Variants in MAP2K6 observed in about 807,000 individuals in gnomAD.
MAP2K6 encodes mitogen-activated protein kinase kinase 6.
MAP2K6 carries 16 observed loss-of-function variants against 53.7 expected under a neutral mutation model. That is an observed-to-expected ratio of 0.30 (90% CI 0.20 to 0.45). MAP2K6 has a LOEUF of 0.45. Ranked by LOEUF, MAP2K6 falls within the 20% of genes least tolerant of loss-of-function variation. The pLI is 1.00. For missense variants in MAP2K6, 204 were observed against 411.9 expected (o/e 0.50, Z 4.37); for synonymous variants, 132 against 143.1 (o/e 0.92, Z 0.55).
intron 8 of MAP2K6, 38 bp from the exon 9 acceptor site, chr17:69,524,863 T>A (rs1450898554): frequency 2.0e-6 from 3 of 1,491,140 alleles, no homozygotes; most frequent in Admixed American, 3.3e-5. Flanking sequence ...TTATCTCAAT[T>A]GTCTTCCCAG....
chr17:69,545,670 G>T lies in MAP2K6; in HGVS notation c.*3917G>T, dbSNP rs1198448230. ...TGTTTTAAGTAATTAGGTCCCAACA[G>T]CTTAATAATAGCAGTTTGCACAGTG... On this transcript the variant is annotated 3_prime_UTR_variant, in exon 12 of 12. Transcript: ENST00000590474. 2 of 152,150 alleles carry T rather than the reference G, an allele frequency of 1.3e-5. No homozygotes were observed. The highest frequency in any genetic ancestry group is 2.9e-5 in the Non-Finnish European group (2 of 68,042). 9.4% of individuals were successfully genotyped at this position (152,150 alleles called of 1,614,324 possible).
intron 1 of MAP2K6, among the ~76,000 whole-genome samples, chr17:69,490,202 G>A (rs570643807): frequency 5.9e-5 from 9 of 152,300 alleles, no homozygotes; most frequent in South Asian, 2.1e-4. Context: ...CCAAGATGGC[G>A]TTGAGTTAGA....
In MAP2K6 at chr17:69,483,479, A is replaced by G. The variant is rs370947247; in HGVS notation, c.17-22301A>G. 5.3e-5 allele frequency among the ~76,000 whole-genome samples: 8 copies of G among 152,236 alleles called. No individual in the cohort carries two copies. In the East Asian group the frequency reaches 1.4e-3, roughly 26 times the overall value. The stretch of plus-strand genomic sequence containing the variant: ...ATCTAAATAAATGCAAAGGCGTACC[A>G]TGTTCATGAGTCAAAAGACTTAATA... On this transcript the variant is annotated intron_variant, in intron 1 of 11. Coordinates refer to ENST00000590474, the MANE Select transcript of MAP2K6 (RefSeq NM_002758.4).
intron 1 of MAP2K6, among the ~76,000 whole-genome samples, chr17:69,416,746 GA>G (rs1905916531): frequency 6.6e-6 from 1 of 152,202 alleles, no homozygotes; most frequent in South Asian, 2.1e-4. Flanking sequence ...GACAGGTATT[GA>G]AGAGAAATGG....
In MAP2K6 at chr17:69,552,722, C is replaced by T. The variant is rs946662161; in HGVS notation, c.*10969C>T. On this transcript the variant is annotated 3_prime_UTR_variant, in exon 12 of 12. Coordinates refer to ENST00000590474, the MANE Select transcript of MAP2K6 (RefSeq NM_002758.4). ...GCATCAAGTGATAACTTCAATAAGG[C>T]CTCAGGATTGTATTTAAAATACCTG... The T allele has an allele frequency of 2.0e-5, 3 of 152,146 alleles. No homozygotes were observed. The highest frequency in any genetic ancestry group is 2.1e-4 in the South Asian group (1 of 4,820). 9.4% of individuals were successfully genotyped at this position (152,146 alleles called of 1,614,324 possible).
At chr17:69,520,797 G>A (rs1161096438) in intron 6 of MAP2K6, 1 of 422,774 alleles carries the variant, frequency 2.4e-6, no homozygotes, top group Non-Finnish European at 4.2e-6. Flanking sequence ...GGAGGGTGGA[G>A]AGAAAAAGAA....
At chr17:69,519,457 C>T (rs1434363806) in intron 5 of MAP2K6, 25 bp downstream of exon 5, 1 of 1,612,760 alleles carries the variant, frequency 6.2e-7, no homozygotes, top group Non-Finnish European at 8.5e-7. Context: ...AATTCAAAGT[C>T]CAAGAGGAAC....
chr17:69,465,816 A>C (rs1339197036), intron 1 of MAP2K6, among the ~76,000 whole-genome samples: 1 of 151,328 alleles, frequency 6.6e-6, no homozygotes, highest in East Asian at 2.0e-4. Context: ...ATGGGATCTC[A>C]CCATGTTGGC....
rs1348237664 is a variant in MAP2K6 at position 69,547,005 on chromosome 17, C to A, written c.*5252C>A. 6.6e-6 allele frequency: 1 copy of A among 150,826 alleles called. No homozygotes were observed. Among genetic ancestry groups the A allele is most frequent in the East Asian group, 1.9e-4 (1 of 5,138 alleles). The allele number at this position is 150,826 out of a possible 1,614,324, so 9.3% of individuals were successfully genotyped here. A position where few individuals can be genotyped will look rare whatever the true frequency, so the allele number is the denominator to read the frequency against. ...AGAAAGCTATTTTATTCTCGGAGGT[C>A]TATGTTCCTCTTGTGTTTGAGTGCC... On this transcript the variant is annotated 3_prime_UTR_variant, in exon 12 of 12. Transcript: ENST00000590474.
chr17:69,439,717 C>T (rs576187194), intron 1 of MAP2K6, among the ~76,000 whole-genome samples: 32 of 152,308 alleles, frequency 2.1e-4, no homozygotes, highest in African/African-American at 7.2e-4. Flanking sequence ...TGTGTATGCC[C>T]TCTTGATTTC....
intron 1 of MAP2K6, among the ~76,000 whole-genome samples, chr17:69,420,738 T>TA (rs34216451): frequency 3.1e-5 from 1 of 32,534 alleles, no homozygotes; most frequent in Non-Finnish European, 5.9e-5. Flanking sequence ...ATTTATAAAA[T>TA]TTTTTTTTCT....
In MAP2K6 at chr17:69,424,544, G is replaced by T. The variant is rs1202668923; in HGVS notation, c.16+9544G>T. Among the ~76,000 whole-genome samples the T allele has an allele frequency of 3.9e-5, 6 of 152,206 alleles. No individual in the cohort carries two copies. The East Asian group carries it at 1.2e-3, about 29-fold the overall frequency. ...TGCCTCAGTTACCAAACCGATAGTGGCAGAGCAGAGGTTTTAGCCAAGGTC... is the reference window on the plus strand; with the variant it reads ...TGCCTCAGTTACCAAACCGATAGTGTCAGAGCAGAGGTTTTAGCCAAGGTC... On this transcript the variant is annotated intron_variant, in intron 1 of 11. Coordinates refer to ENST00000590474, the MANE Select transcript of MAP2K6 (RefSeq NM_002758.4).
At position 69,551,826 on chromosome 17, in the gene MAP2K6, A is replaced by G. The variant is rs1912111989; in HGVS notation, c.*10073A>G. ...CCTATGATACTGAATCATCAAATTG[A>G]GTCATTTAAAGCTGAAAGAGGTGTT... On this transcript the variant is annotated 3_prime_UTR_variant, in exon 12 of 12. Coordinates refer to ENST00000590474, the MANE Select transcript of MAP2K6 (RefSeq NM_002758.4). 1 of 152,240 alleles carries G rather than the reference A, an allele frequency of 6.6e-6. No homozygotes were observed. Among genetic ancestry groups the G allele is most frequent in the Non-Finnish European group, 1.5e-5 (1 of 68,040 alleles). The allele number at this position is 152,240 out of a possible 1,614,324, so 9.4% of individuals were successfully genotyped here.
chr17:69,491,747 T>TATTATTATTATG (rs1218118854), intron 1 of MAP2K6, among the ~76,000 whole-genome samples: 62 of 150,958 alleles, frequency 4.1e-4, no homozygotes, highest in African/African-American at 1.5e-3. Flanking sequence ...TTATTATTAT[T>TATTATTATTATG]ATTATTATTC....
At chr17:69,450,060 A>G (rs1907161026) in intron 1 of MAP2K6, among the ~76,000 whole-genome samples, 1 of 149,094 alleles carries the variant, frequency 6.7e-6, no homozygotes, top group South Asian at 2.1e-4. Flanking sequence ...TCAGCCTTCC[A>G]AGTAGCTGGG....
At chr17:69,421,187 C>T (rs957799508) in intron 1 of MAP2K6, among the ~76,000 whole-genome samples, 1 of 152,156 alleles carries the variant, frequency 6.6e-6, no homozygotes, top group Admixed American at 6.5e-5. Flanking sequence ...TGAAAGATTT[C>T]GGGTAATTAA....
intron 2 of MAP2K6, among the ~76,000 whole-genome samples, chr17:69,506,066 G>A (rs1909455138): frequency 6.6e-6 from 1 of 152,206 alleles, no homozygotes; most frequent in East Asian, 1.9e-4. Flanking sequence ...TGGTTGAGTA[G>A]GAAGTGAATG....
chr17:69,441,318 G>A (rs187082432), intron 1 of MAP2K6, among the ~76,000 whole-genome samples: 1 of 151,704 alleles, frequency 6.6e-6, no homozygotes, highest in East Asian at 1.9e-4. Context: ...TTTTTTTTCA[G>A]GTCTATTTTC....
chr17:69,471,541 A>T (rs1907981895), intron 1 of MAP2K6, among the ~76,000 whole-genome samples: 1 of 152,218 alleles, frequency 6.6e-6, no homozygotes, highest in African/African-American at 2.4e-5. Context: ...GTGGGTAAGG[A>T]TTAAAAATAT....
Sources: gnomAD v4.1 joint callset for allele counts (sites outside exome capture counted in the v4.1 genomes callset) on GRCh38, gnomAD v4.1.1 for gene constraint, MANE v1.5 for transcripts, NCBI Gene and HGNC (gene_info 2026-07-23, HGNC 2026-07-21) for gene names.